The following C5orf22 variants were observed in gnomAD, a reference collection of about 807,000 sequenced individuals.
The protein encoded by C5orf22 is chromosome 5 open reading frame 22.
In C5orf22, 36 loss-of-function variants were observed where a neutral mutation model predicts 48.7. The observed-to-expected ratio is 0.74, with a 90% CI of 0.57 to 0.98. C5orf22 has a LOEUF of 0.98. C5orf22 is among the 50% of genes least tolerant of loss of function. The pLI is 0.00. For missense variants in C5orf22, 486 were observed against 521.9 expected (o/e 0.93, Z 0.67); for synonymous variants, 141 against 180.8 (o/e 0.78, Z 1.76).
At chr5:31,542,291 AT>A (rs1266311535) in intron 6 of C5orf22, among the ~76,000 whole-genome samples, 2 of 151,134 alleles carry the variant, frequency 1.3e-5, no homozygotes, top group African/African-American at 4.9e-5. Flanking sequence ...TCTACTAAAA[AT>A]ACCAAAAAAA....
intron 3 of C5orf22, among the ~76,000 whole-genome samples, chr5:31,536,220 G>A (rs4867349): frequency 0.79 from 119,432 of 152,122 alleles, 47,142 homozygotes; most frequent in African/African-American, 0.85. Context: ...TTTCCTGTCA[G>A]TATAACTGTT....
In C5orf22 at chr5:31,551,414, C is replaced by T. The variant is rs959446049; in HGVS notation, c.1181C>T (p.Thr394Ile). 6.8e-6 allele frequency: 11 copies of T among 1,611,688 alleles called. No individual in the cohort carries two copies. The African/African-American group carries it at 1.3e-4, about 20-fold the overall frequency. ...HYLLKNLPNP[T>I]LVTIARSSLD... ...TTGCTGAAAAATTTACCAAATCCTA[C>T]TCTTGTGACAATTGCAAGGTAAGTG... is the stretch of plus-strand genomic sequence containing the variant. Residue 394 changes from threonine (T) to isoleucine (I), a missense_variant, in exon 8 of 9, where the codon ACT becomes ATT. Thr to Ile is a moderately conservative substitution (Grantham distance 89). Around this residue, in one of 3 missense-constraint regions of C5orf22, gnomAD observed 408 missense variants for 444.0 expected, o/e 0.92. Transcript: ENST00000325366.
intron 1 of C5orf22, among the ~76,000 whole-genome samples, chr5:31,533,725 C>T (rs138354835): frequency 5.0e-4 from 76 of 152,130 alleles, no homozygotes; most frequent in African/African-American, 1.8e-3. Flanking sequence ...AGCGAAATCC[C>T]ATCTCTACAA....
Position 31,532,325 on chromosome 5 carries a change from A to G in C5orf22, c.-68A>G. 3 of 1,539,112 alleles carry G rather than the reference A, an allele frequency of 1.9e-6. No individual in the cohort carries two copies. Among genetic ancestry groups the G allele is most frequent in the South Asian group, 2.2e-5 (2 of 89,426 alleles). ...CGCCCGGAGAGAGCTGGCCGGGATG[A>G]GGCGCCGGCTTTCCCGGGTCTTCTC... On this transcript the variant is annotated 5_prime_UTR_variant, in exon 1 of 9. Coordinates refer to ENST00000325366, the MANE Select transcript of C5orf22 (RefSeq NM_018356.3).
intron 1 of C5orf22, among the ~76,000 whole-genome samples, chr5:31,533,010 A>G (rs924673995): frequency 2.0e-5 from 3 of 151,842 alleles, no homozygotes; most frequent in South Asian, 2.1e-4. Flanking sequence ...ACTGGAGTGC[A>G]GTGGCGCGAT....
chr5:31,549,537 TA>T (rs1439821429), intron 7 of C5orf22, among the ~76,000 whole-genome samples: 1 of 152,134 alleles, frequency 6.6e-6, no homozygotes, highest in Non-Finnish European at 1.5e-5. Context: ...TTACACTTTT[TA>T]AAAATGGTAA....
At chr5:31,541,193 T>G in intron 5 of C5orf22, 88 bp from the exon 6 acceptor site, 1 of 1,412,586 alleles carries the variant, frequency 7.1e-7, no homozygotes, top group South Asian at 1.3e-5. Flanking sequence ...ATGTTTTAAC[T>G]AATAGAGCCA....
Position 31,543,581 on chromosome 5 carries a change from G to GA in C5orf22, c.993-2056dup, listed in dbSNP as rs59910345. Among the ~76,000 whole-genome samples the GA allele has an allele frequency of 6.6e-3, 996 of 151,086 alleles. 7 individuals are homozygous for GA. Among genetic ancestry groups the GA allele is most frequent in the African/African-American group, 0.023 (952 of 41,226 alleles). On this transcript the variant is annotated intron_variant, in intron 6 of 8. Coordinates refer to ENST00000325366, the MANE Select transcript of C5orf22 (RefSeq NM_018356.3). ...GGAGACCCTGTCTCAAAAAAAGAAA[G>GA]AAAAAAAAATCAGTTAATGCTTTTT...
chr5:31,547,793 C>A (rs1390246478), intron 7 of C5orf22, among the ~76,000 whole-genome samples: 1 of 152,220 alleles, frequency 6.6e-6, no homozygotes, highest in Admixed American at 6.5e-5. Context: ...CCTCCTAAAT[C>A]TTCAGGCCTG....
intron 4 of C5orf22, among the ~76,000 whole-genome samples, chr5:31,539,686 A>G (rs910094485): frequency 2.0e-5 from 3 of 152,006 alleles, no homozygotes; most frequent in Admixed American, 1.3e-4. Flanking sequence ...AAACTTTATT[A>G]TTTAGTAGCA....
chr5:31,534,723 A>G, intron 2 of C5orf22: 1 of 325,764 alleles, frequency 3.1e-6, no homozygotes. Flanking sequence ...ATAAAGCTTT[A>G]TTTACAAGCT....
At chr5:31,535,665 T>C in intron 2 of C5orf22, 79 bp from the exon 3 acceptor site, 2 of 1,192,690 alleles carry the variant, frequency 1.7e-6, no homozygotes, top group Non-Finnish European at 2.3e-6. Flanking sequence ...CCTGTGGTCT[T>C]AAAATGTTGT....
intron 6 of C5orf22, among the ~76,000 whole-genome samples, chr5:31,544,636 G>A (rs561425657): frequency 8.6e-5 from 13 of 151,732 alleles, no homozygotes; most frequent in African/African-American, 9.7e-5. Flanking sequence ...GGATTTTTCC[G>A]ATTATAATTG....
chr5:31,541,409 C>T lies in C5orf22; in HGVS notation c.992+7C>T, dbSNP rs750262430. ...GATGGGCTTCAAACCCTGGGTAAGA[C>T]TCTCAAACATTTTTTTCCCCCAACT... is the stretch of plus-strand genomic sequence containing the variant. On this transcript the variant is annotated splice_region_variant and intron_variant, in intron 6 of 8. Transcript: ENST00000325366. 1.9e-6 allele frequency: 3 copies of T among 1,611,218 alleles called. No homozygotes were observed. Among genetic ancestry groups the T allele is most frequent in the South Asian group, 2.2e-5 (2 of 90,418 alleles).
intron 7 of C5orf22, among the ~76,000 whole-genome samples, chr5:31,549,201 A>C (rs1018654906): frequency 2.0e-5 from 3 of 152,122 alleles, no homozygotes; most frequent in African/African-American, 7.2e-5. Context: ...CCTGGGCAAA[A>C]AGAGTGAAAC....
chr5:31,537,522 G>C (rs1742171296), intron 3 of C5orf22, among the ~76,000 whole-genome samples: 1 of 152,114 alleles, frequency 6.6e-6, no homozygotes, highest in Non-Finnish European at 1.5e-5. Flanking sequence ...AGGTCAAGTG[G>C]GAAATAAATA....
intron 8 of C5orf22, 37 bp downstream of exon 8, chr5:31,551,469 T>G (rs1380025121): frequency 2.0e-6 from 3 of 1,505,760 alleles, no homozygotes. Flanking sequence ...AAATCAGAGA[T>G]GTGCACATCC....
chr5:31,549,663 C>T (rs1294073275), intron 7 of C5orf22, among the ~76,000 whole-genome samples: 1 of 152,030 alleles, frequency 6.6e-6, no homozygotes, highest in African/African-American at 2.4e-5. Flanking sequence ...ATCGCTTGAG[C>T]CCAGGAATTT....
At position 31,554,525 on chromosome 5, in the gene C5orf22, AGG is replaced by A. The variant is rs1743479011; in HGVS notation, c.*1624_*1625del. On this transcript the variant is annotated 3_prime_UTR_variant, in exon 9 of 9. Transcript: ENST00000325366. The stretch of plus-strand genomic sequence containing the variant: ...TTCATAGGATAATATGTGCCAAAAA[AGG>A]TTTATTTTCTTGGTAAAATCAGAAT... 1 of 152,226 alleles carries A rather than the reference AGG, an allele frequency of 6.6e-6. No individual in the cohort carries two copies. Among genetic ancestry groups the A allele is most frequent in the Non-Finnish European group, 1.5e-5 (1 of 68,030 alleles). The allele number at this position is 152,226 out of a possible 1,614,324, so 9.4% of individuals were successfully genotyped here.
Sources: gnomAD v4.1 joint callset for allele counts (sites outside exome capture counted in the v4.1 genomes callset) on GRCh38, gnomAD v4.1.1 for gene constraint, gnomAD v4.1.1 regional missense constraint, MANE v1.5 for transcripts, NCBI Gene and HGNC (gene_info 2026-07-23, HGNC 2026-07-21) for gene names.